CACHD1: variants seen among roughly 807,000 people sequenced by gnomAD.
CACHD1 encodes the protein VWFA and cache domain-containing protein 1.
A neutral mutation model predicts 138.7 loss-of-function variants in CACHD1; 71 were observed. The observed-to-expected ratio is 0.51, with a 90% CI of 0.42 to 0.62. CACHD1 has a LOEUF of 0.62. Among genes scored for constraint, CACHD1 ranks in the 20% least tolerant of loss-of-function variants. The pLI is 0.00. For synonymous variants in CACHD1, 578 were observed against 591.5 expected, an observed-to-expected ratio of 0.98 and a Z score of 0.33; for missense variants, 1,389 against 1,625.3, an observed-to-expected ratio of 0.85 and a Z score of 2.50.
chr1:64,566,915 T>A (rs1410134114), intron 2 of CACHD1, among the ~76,000 whole-genome samples: 1 of 152,114 alleles, frequency 6.6e-6, no homozygotes, highest in African/African-American at 2.4e-5. Context: ...ATATTTAGAA[T>A]TAAATATTAT....
At chr1:64,522,021 ATCATTGG>A (rs1646501796) in intron 1 of CACHD1, among the ~76,000 whole-genome samples, 1 of 152,152 alleles carries the variant, frequency 6.6e-6, no homozygotes, top group Non-Finnish European at 1.5e-5. Context: ...ATGTTTAAGA[ATCATTGG>A]CCAAATCCAA....
At chr1:64,680,783 G>A (rs926191087) in intron 24 of CACHD1, among the ~76,000 whole-genome samples, 2 of 152,140 alleles carry the variant, frequency 1.3e-5, no homozygotes, top group African/African-American at 2.4e-5. Context: ...GCCTGAAGGG[G>A]AATCATGGAG....
chr1:64,553,865 T>C (rs1570360520), intron 2 of CACHD1, among the ~76,000 whole-genome samples: 1 of 152,258 alleles, frequency 6.6e-6, no homozygotes, highest in Non-Finnish European at 1.5e-5. Flanking sequence ...AGCATATGTT[T>C]ATATTCACAT....
rs185610342 is a variant in CACHD1, at chr1:64,562,530, C to A, written c.261+11874C>A. Among the ~76,000 whole-genome samples, 534 of 151,310 alleles carry A rather than the reference C, an allele frequency of 3.5e-3. 1 individual carries two copies. The highest frequency in any genetic ancestry group is 0.012 in the African/African-American group (515 of 41,218). On this transcript the variant is annotated intron_variant, in intron 2 of 26. Transcript: ENST00000651257. Reference sequence around the variant, plus strand: ...GTTCAAGCAATTTCCCTGCCTCAGCCTCCCAAGTAGCTGGGATTACAGGCA... The same window carrying A: ...GTTCAAGCAATTTCCCTGCCTCAGCATCCCAAGTAGCTGGGATTACAGGCA...
intron 2 of CACHD1, among the ~76,000 whole-genome samples, chr1:64,556,027 A>G (rs1037585466): frequency 1.3e-5 from 2 of 152,202 alleles, no homozygotes; most frequent in African/African-American, 2.4e-5. Context: ...TGGTTGGGTA[A>G]TACCACTCCC....
chr1:64,593,601 A>G (rs1018056485), intron 3 of CACHD1, among the ~76,000 whole-genome samples: 5 of 152,156 alleles, frequency 3.3e-5, no homozygotes, highest in African/African-American at 7.2e-5. Context: ...TTTATGCCCA[A>G]TGAAGTGTTG....
At chr1:64,471,586 A>C (rs1394748943) in intron 1 of CACHD1, among the ~76,000 whole-genome samples, 1 of 152,148 alleles carries the variant, frequency 6.6e-6, no homozygotes, top group Non-Finnish European at 1.5e-5. Context: ...GGCCTGGTAG[A>C]TTCTGGGTAG....
At position 64,470,926 on chromosome 1, in the gene CACHD1, G is replaced by A. The variant is rs1404059799; in HGVS notation, c.182G>A (p.Gly61Glu). Reference protein sequence around the residue: ...QMRRLAAEELGVVTMQRIFNS... With the variant: ...QMRRLAAEELEVVTMQRIFNS... ...CGGAGGCTGGCGGCCGAGGAGCTGGGGGTCGTCACCATGCAGGTAAGTGGC... is the reference window on the plus strand; with the variant it reads ...CGGAGGCTGGCGGCCGAGGAGCTGGAGGTCGTCACCATGCAGGTAAGTGGC... Residue 61 changes from glycine to glutamate, a missense_variant, in exon 1 of 27, where the codon GGG becomes GAG. By Grantham distance (98) the Gly-to-Glu change is moderately conservative (BLOSUM62 -2). Around this residue, in one of 5 missense-constraint regions of CACHD1, gnomAD observed 1,000 missense variants for 1,114.7 expected, o/e 0.90. Coordinates refer to ENST00000651257, the MANE Select transcript of CACHD1 (RefSeq NM_020925.4). The surrounding 1 kb of genome is among the most constrained non-coding windows in gnomAD (Gnocchi z 5.2). 1 of 1,604,772 alleles carries A rather than the reference G, an allele frequency of 6.2e-7. No homozygotes were observed. Among genetic ancestry groups the A allele is most frequent in the East Asian group, 2.2e-5 (1 of 44,536 alleles).
At chr1:64,561,935 A>G (rs907612137) in intron 2 of CACHD1, among the ~76,000 whole-genome samples, 9 of 46,456 alleles carry the variant, frequency 1.9e-4, no homozygotes, top group Non-Finnish European at 5.6e-4. Context: ...TTCTGAATTG[A>G]CAGTTTGTTT....
intron 4 of CACHD1, among the ~76,000 whole-genome samples, chr1:64,612,737 A>T (rs1331066849): frequency 6.6e-6 from 1 of 152,194 alleles, no homozygotes; most frequent in African/African-American, 2.4e-5. Context: ...TTGACAGTGC[A>T]CCTGGTCACC....
intron 1 of CACHD1, among the ~76,000 whole-genome samples, chr1:64,535,613 C>T (rs1646626482): frequency 6.6e-6 from 1 of 152,148 alleles, no homozygotes; most frequent in Non-Finnish European, 1.5e-5. Flanking sequence ...GCATGAGCCA[C>T]CACAGCCAGC....
rs775941153 is a variant in CACHD1 at position 64,691,579 on chromosome 1, C to T, written c.*18C>T. The T allele has an allele frequency of 1.3e-5, 20 of 1,598,562 alleles. No individual in the cohort carries two copies. The highest frequency in any genetic ancestry group is 8.9e-5 in the East Asian group (4 of 44,790). Reference sequence around the variant, plus strand: ...AATGCTAACAATCTCCTCACCTCCACGCCAAGATGAGATCTGGGAGCTACA... The same window carrying T: ...AATGCTAACAATCTCCTCACCTCCATGCCAAGATGAGATCTGGGAGCTACA... On this transcript the variant is annotated 3_prime_UTR_variant, in exon 27 of 27. Coordinates refer to ENST00000651257, the MANE Select transcript of CACHD1 (RefSeq NM_020925.4).
At chr1:64,538,043 A>G (rs1338173737) in intron 1 of CACHD1, among the ~76,000 whole-genome samples, 1 of 152,196 alleles carries the variant, frequency 6.6e-6, no homozygotes, top group African/African-American at 2.4e-5. Context: ...GTTAGTTAAT[A>G]ATTATTGTTG....
intron 4 of CACHD1, among the ~76,000 whole-genome samples, chr1:64,603,432 T>C (rs927695385): frequency 2.6e-5 from 4 of 152,180 alleles, no homozygotes; most frequent in Admixed American, 2.6e-4. Flanking sequence ...TAGATAGCTA[T>C]ATATGGTACA....
intron 26 of CACHD1, among the ~76,000 whole-genome samples, chr1:64,687,437 G>T (rs1650404676): frequency 6.6e-6 from 1 of 152,200 alleles, no homozygotes; most frequent in Non-Finnish European, 1.5e-5. Context: ...GAAATTAAAT[G>T]GAATGCCCTT....
In CACHD1 at chr1:64,590,497, G is replaced by A. The variant is rs139790113; in HGVS notation, c.410+8193G>A. On this transcript the variant is annotated intron_variant, in intron 3 of 26. Transcript: ENST00000651257. ...TTCAAGTTCTTTAAGTATTATTGACGTCATATGAGCCAGAGGTAACTTACT... is the reference window on the plus strand; with the variant it reads ...TTCAAGTTCTTTAAGTATTATTGACATCATATGAGCCAGAGGTAACTTACT... Among the ~76,000 whole-genome samples the A allele has an allele frequency of 2.8e-4, 42 of 152,084 alleles. No individual in the cohort carries two copies. The East Asian group carries it at 6.0e-3, about 22-fold the overall frequency.
rs201270104 is a variant in CACHD1 at position 64,582,294 on chromosome 1, T to G, written c.400T>G (p.Ser134Ala). The change falls in exon 3 of 27, where the codon TCC becomes GCC. Residue 134 changes from serine (S) to alanine (A), a missense_variant. Around this residue, in one of 5 missense-constraint regions of CACHD1, gnomAD observed 1,000 missense variants for 1,114.7 expected, o/e 0.90. Coordinates refer to ENST00000651257, the MANE Select transcript of CACHD1 (RefSeq NM_020925.4). The part of the protein sequence containing the change: ...AIQDCCTIPP[S>A]MMEFDGNFNT... ...TCAAGACTGCTGTACTATCCCACCT[T>G]CCATGATGGAGTAAGACTTTAAAAC... 49 of 1,613,354 alleles carry G rather than the reference T, an allele frequency of 3.0e-5. No homozygotes were observed. The highest frequency in any genetic ancestry group is 4.1e-5 in the Non-Finnish European group (48 of 1,179,614).
chr1:64,471,052 A>G (rs1034175847), intron 1 of CACHD1, 110 bp downstream of exon 1: 1 of 1,126,036 alleles, frequency 8.9e-7, no homozygotes, highest in Non-Finnish European at 1.2e-6. Flanking sequence ...CCTTGCATAC[A>G]TAGAGCCCGG....
At chr1:64,659,036 AT>A (rs1649356358) in intron 13 of CACHD1, among the ~76,000 whole-genome samples, 163 bp downstream of exon 13, 1 of 152,162 alleles carries the variant, frequency 6.6e-6, no homozygotes, top group Non-Finnish European at 1.5e-5. Context: ...CTGGCCTCAA[AT>A]CAGATCGTCT....
Sources: allele counts gnomAD v4.1 joint callset (sites outside exome capture counted in the v4.1 genomes callset), GRCh38; gene constraint gnomAD v4.1.1; regional missense constraint gnomAD v4.1.1; non-coding constraint Gnocchi (gnomAD v3.1); transcripts MANE v1.5; gene names NCBI Gene and HGNC (gene_info 2026-07-23, HGNC 2026-07-21).